Variants in SYNPO2 observed in about 807,000 individuals in gnomAD.
SYNPO2 encodes the protein synaptopodin 2.
Under a neutral mutation model 85.0 loss-of-function variants are expected in SYNPO2, and 56 were observed. The observed-to-expected ratio is 0.66, with a 90% CI of 0.53 to 0.82. The LOEUF is 0.82. Ranked by LOEUF, SYNPO2 falls within the 40% of genes least tolerant of loss-of-function variation. The pLI, the probability that SYNPO2 is intolerant of heterozygous loss-of-function variation, is 0.00. For missense variants in SYNPO2, 1,575 were observed against 1,534.2 expected, an observed-to-expected ratio of 1.03 and a Z score of -0.44; for synonymous variants, 602 against 591.1, an observed-to-expected ratio of 1.02 and a Z score of -0.27.
chr4:118,920,744 T>C (rs1733504710), intron 1 of SYNPO2, among the ~76,000 whole-genome samples: 1 of 152,088 alleles, frequency 6.6e-6, no homozygotes, highest in African/African-American at 2.4e-5. Flanking sequence ...TTAAAACAAA[T>C]AAATATTTTC....
intron 1 of SYNPO2, among the ~76,000 whole-genome samples, chr4:118,949,750 A>AAAAAT (rs76494884): frequency 0.12 from 18,360 of 151,284 alleles, 1,292 homozygotes; most frequent in South Asian, 0.17. Context: ...CTCTGTCTCA[A>AAAAAT]AAAATAAAAT....
Position 119,026,697 on chromosome 4 carries a change from G to A in SYNPO2, c.328G>A (p.Gly110Arg). The change falls in exon 3 of 5, where the codon GGG (glycine) becomes AGG (arginine). Residue 110 changes from glycine (G) to arginine (R), a missense_variant. Coordinates refer to ENST00000307142, the MANE Select transcript of SYNPO2 (RefSeq NM_133477.3). ...CAAAAACCTCGAGCATCTCACACATGGGGGTTATGTGGAAAGTACCACCCT... is the reference window on the plus strand; with the variant it reads ...CAAAAACCTCGAGCATCTCACACATAGGGGTTATGTGGAAAGTACCACCCT... ...ENKNLEHLTHGGYVESTTLQI... is the reference protein window; with the variant it reads ...ENKNLEHLTHRGYVESTTLQI... 6.2e-7 allele frequency: 1 copy of A among 1,614,076 alleles called. No homozygotes were observed. Among genetic ancestry groups the A allele is most frequent in the East Asian group, 2.2e-5 (1 of 44,876 alleles).
chr4:118,950,158 C>A (rs1006766488), intron 1 of SYNPO2, among the ~76,000 whole-genome samples: 1 of 152,132 alleles, frequency 6.6e-6, no homozygotes, highest in Non-Finnish European at 1.5e-5. Flanking sequence ...ATCATCATTT[C>A]ATTAATTTGT....
upstream of SYNPO2, among the ~76,000 whole-genome samples, chr4:118,885,948 T>G (rs954293941): frequency 6.6e-6 from 1 of 152,200 alleles, no homozygotes; most frequent in Non-Finnish European, 1.5e-5. Flanking sequence ...AAAGCACTGT[T>G]AATTATCAGT....
intron 1 of SYNPO2, among the ~76,000 whole-genome samples, chr4:118,905,170 C>CACAAA (rs1420392527): frequency 4.6e-5 from 7 of 152,150 alleles, no homozygotes; most frequent in African/African-American, 1.7e-4. Flanking sequence ...TGAGAGTAGA[C>CACAAA]ACAAATTCAA....
intron 1 of SYNPO2, among the ~76,000 whole-genome samples, chr4:118,958,641 C>A (rs1734964715): frequency 6.6e-6 from 1 of 152,098 alleles, no homozygotes; most frequent in Non-Finnish European, 1.5e-5. Context: ...CTCTGCGTTG[C>A]AATGTGTCCA....
At chr4:118,973,431 T>C (rs28397961) in intron 1 of SYNPO2, among the ~76,000 whole-genome samples, 41,430 of 151,812 alleles carry the variant, frequency 0.27, 6,197 homozygotes, top group East Asian at 0.44. Context: ...AGCCACAGCA[T>C]AGCACGTATG....
rs1737971605 is a variant in SYNPO2 at position 119,026,827 on chromosome 4, C to T, written c.458C>T (p.Ala153Val). The change falls in exon 3 of 5, where the codon GCA becomes GTA. Residue 153 changes from alanine to valine, a missense_variant. Around this residue, in one of 3 missense-constraint regions of SYNPO2, gnomAD observed 1,508 missense variants for 1,446.8 expected, o/e 1.04. Coordinates refer to ENST00000307142, the MANE Select transcript of SYNPO2 (RefSeq NM_133477.3). ...AACCAAAGAAGTGGTCCCGACTGTG[C>T]AGGCAGCTTGAAAGAAGAAACAGGC... ...AENQRSGPDC[A>V]GSLKEETGPS... The T allele has an allele frequency of 1.9e-6, 3 of 1,613,948 alleles. No homozygotes were observed. The South Asian group carries it at 3.3e-5, about 18-fold the overall frequency.
At chr4:118,976,052 A>G (rs546155901) in intron 1 of SYNPO2, among the ~76,000 whole-genome samples, 1 of 152,286 alleles carries the variant, frequency 6.6e-6, no homozygotes, top group African/African-American at 2.4e-5. Context: ...TTGCCCAATA[A>G]CTGGATTGAC....
At chr4:118,853,645 T>C (rs573105635) in intron 1 of SYNPO2, among the ~76,000 whole-genome samples, 25 of 151,448 alleles carry the variant, frequency 1.7e-4, no homozygotes, top group Middle Eastern at 3.4e-3. Context: ...GGTAAAACAA[T>C]GTACATTTGG....
chr4:118,896,776 A>G (rs1256081060), intron 1 of SYNPO2, among the ~76,000 whole-genome samples: 1 of 152,236 alleles, frequency 6.6e-6, no homozygotes, highest in African/African-American at 2.4e-5. Flanking sequence ...GGTGTGTTTC[A>G]GATAAATGAA....
chr4:118,998,067 G>A (rs995503750), intron 1 of SYNPO2, among the ~76,000 whole-genome samples: 1 of 152,198 alleles, frequency 6.6e-6, no homozygotes, highest in African/African-American at 2.4e-5. Context: ...GGGGTGGTAA[G>A]GATGGGAGAC....
Position 119,057,356 on chromosome 4 carries a change from C to CA in SYNPO2, c.3253-42dup, listed in dbSNP as rs765065691. The CA allele has an allele frequency of 4.3e-5, 65 of 1,518,254 alleles. No individual in the cohort carries two copies. The East Asian group carries it at 1.4e-3, about 32-fold the overall frequency. The allele number at this position is 1,518,254 out of a possible 1,614,324, so 94.0% of individuals were successfully genotyped here. On this transcript the variant is annotated intron_variant, in intron 4 of 4. Coordinates refer to ENST00000307142, the MANE Select transcript of SYNPO2 (RefSeq NM_133477.3). ...GAATACTTTGGAGTAACAATCAGCA[C>CA]AAACCAAAATGAATGAGATATATTA...
chr4:118,965,512 A>T (rs1278110407), intron 1 of SYNPO2, among the ~76,000 whole-genome samples: 1 of 152,044 alleles, frequency 6.6e-6, no homozygotes. Context: ...CACTTTTTTC[A>T]TACCTAAATC....
At chr4:119,027,891 G>GA (rs11388060) in intron 3 of SYNPO2, among the ~76,000 whole-genome samples, 89,522 of 151,698 alleles carry the variant, frequency 0.59, 26,735 homozygotes, top group Middle Eastern at 0.74. Flanking sequence ...TCCTTGTTTT[G>GA]AAAAAAAATC....
intron 4 of SYNPO2, chr4:119,042,253 T>C (rs1404366247): frequency 1.5e-5 from 2 of 136,608 alleles, no homozygotes; most frequent in South Asian, 5.1e-4. Flanking sequence ...GACAAAAGAC[T>C]AAAGGGGGCC....
intron 2 of SYNPO2, among the ~76,000 whole-genome samples, chr4:119,026,204 T>C (rs532094360): frequency 8.5e-5 from 13 of 152,356 alleles, no homozygotes; most frequent in East Asian, 5.8e-4. Flanking sequence ...AAGATTGATC[T>C]GAAGGTGCTG....
chr4:118,868,160 T>A (rs943967752), intron 1 of SYNPO2, among the ~76,000 whole-genome samples: 8 of 143,054 alleles, frequency 5.6e-5, no homozygotes, highest in Non-Finnish European at 1.1e-4. Context: ...TTAAAAAAAA[T>A]TAGATGCTCT....
At chr4:118,902,063 A>G (rs1732774436) in intron 1 of SYNPO2, among the ~76,000 whole-genome samples, 1 of 152,316 alleles carries the variant, frequency 6.6e-6, no homozygotes, top group South Asian at 2.1e-4. Flanking sequence ...TAGCTGGCAC[A>G]TATTTCCATG....
Sources: allele counts gnomAD v4.1 joint callset (sites outside exome capture counted in the v4.1 genomes callset), GRCh38; gene constraint gnomAD v4.1.1; regional missense constraint gnomAD v4.1.1; transcripts MANE v1.5; gene names NCBI Gene and HGNC (gene_info 2026-07-23, HGNC 2026-07-21).